GLRA3: variants seen among roughly 807,000 people sequenced by gnomAD.
The protein encoded by GLRA3 is glycine receptor subunit alpha-3.
In GLRA3, 44 loss-of-function variants were observed where a neutral mutation model predicts 60.4. That is an observed-to-expected ratio of 0.73 (90% CI 0.57 to 0.94). GLRA3 has a LOEUF of 0.94. GLRA3 is among the 40% of genes least tolerant of loss of function. The pLI, the probability that GLRA3 is intolerant of heterozygous loss-of-function variation, is 0.00. For missense variants in GLRA3, 508 were observed against 564.6 expected, an observed-to-expected ratio of 0.90 and a Z score of 1.02; for synonymous variants, 223 against 192.9, an observed-to-expected ratio of 1.16 and a Z score of -1.29.
intron 8 of GLRA3, 22 bp from the exon 9 acceptor site, chr4:174,656,809 C>G: frequency 1.3e-6 from 2 of 1,486,328 alleles, no homozygotes; most frequent in Non-Finnish European, 1.9e-6. Flanking sequence ...TAAAGTGGAC[C>G]AAGAGGAATT....
At chr4:174,651,534 A>G (rs747236358) in intron 9 of GLRA3, among the ~76,000 whole-genome samples, 4 of 152,156 alleles carry the variant, frequency 2.6e-5, no homozygotes, top group Non-Finnish European at 4.4e-5. Flanking sequence ...AAGAATACAA[A>G]TAACAACTTG....
intron 1 of GLRA3, among the ~76,000 whole-genome samples, chr4:174,822,429 T>C (rs1740775482): frequency 1.3e-5 from 2 of 152,124 alleles, no homozygotes; most frequent in South Asian, 2.1e-4. Flanking sequence ...GAAGCACATA[T>C]AGGAAAAAAT....
At chr4:174,793,798 G>A (rs998499945) in intron 1 of GLRA3, among the ~76,000 whole-genome samples, 1 of 151,760 alleles carries the variant, frequency 6.6e-6, no homozygotes, top group Non-Finnish European at 1.5e-5. Context: ...TTATTCTTGT[G>A]GCAATAATAA....
chr4:174,821,588 T>C (rs1037900718), intron 1 of GLRA3, among the ~76,000 whole-genome samples: 6 of 152,094 alleles, frequency 3.9e-5, no homozygotes, highest in Non-Finnish European at 7.4e-5. Context: ...AAATACATGA[T>C]GTATCTGTGG....
At chr4:174,744,284 C>T (rs745968136) in intron 3 of GLRA3, among the ~76,000 whole-genome samples, 25 of 152,240 alleles carry the variant, frequency 1.6e-4, no homozygotes, top group Non-Finnish European at 3.1e-4. Context: ...CAATCACCTA[C>T]GTGGCCTGTG....
rs553306775 is a variant in GLRA3 at position 174,689,756 on chromosome 4, T to TAAAAAAAAAAAAAAAAAAA, written c.575-6836_575-6818dup. On this transcript the variant is annotated intron_variant, in intron 5 of 9. Coordinates refer to ENST00000274093, the MANE Select transcript of GLRA3 (RefSeq NM_006529.4). Reference sequence around the variant, plus strand: ...AAAGGCACAGAGTGGTAAGTCGCATTAAAAAAAAAAAAAAAAAAAAAAAAA... The same window carrying TAAAAAAAAAAAAAAAAAAA: ...AAAGGCACAGAGTGGTAAGTCGCATTAAAAAAAAAAAAAAAAAAAAAAAAAAAAAAAAAAAAAAAAAAAA... Among the ~76,000 whole-genome samples, 8 of 39,540 alleles carry TAAAAAAAAAAAAAAAAAAA rather than the reference T, an allele frequency of 2.0e-4. 1 individual carries two copies. Among genetic ancestry groups the TAAAAAAAAAAAAAAAAAAA allele is most frequent in the Non-Finnish European group, 2.7e-4 (6 of 22,378 alleles). The allele number at this position is 39,540 out of a possible 152,430, so 25.9% of individuals were successfully genotyped here.
intron 2 of GLRA3, among the ~76,000 whole-genome samples, chr4:174,772,140 A>ATACAGAAAAT (rs1165402765): frequency 7.9e-5 from 12 of 152,216 alleles, no homozygotes; most frequent in African/African-American, 2.7e-4. Flanking sequence ...GATGGATGAA[A>ATACAGAAAAT]TACAGAAAAT....
intron 5 of GLRA3, among the ~76,000 whole-genome samples, chr4:174,707,495 T>C (rs1223486007): frequency 6.6e-6 from 1 of 151,996 alleles, no homozygotes; most frequent in East Asian, 1.9e-4. Flanking sequence ...GAAACTGCAA[T>C]AGTAACAGAA....
intron 2 of GLRA3, among the ~76,000 whole-genome samples, chr4:174,773,825 T>A (rs1329113141): frequency 6.6e-6 from 1 of 152,126 alleles, no homozygotes; most frequent in Non-Finnish European, 1.5e-5. Context: ...TGCACTAAAG[T>A]CATTTGTTTG....
At chr4:174,762,680 C>T (rs931605821) in intron 3 of GLRA3, among the ~76,000 whole-genome samples, 2 of 152,042 alleles carry the variant, frequency 1.3e-5, no homozygotes, top group Admixed American at 6.6e-5. Context: ...ACACACTTGG[C>T]GTGTTAAATT....
intron 1 of GLRA3, among the ~76,000 whole-genome samples, chr4:174,816,108 A>G (rs896908646): frequency 2.0e-5 from 3 of 152,186 alleles, no homozygotes; most frequent in Admixed American, 1.3e-4. Context: ...GTGGTGGAAG[A>G]CAGTGTTTGT....
At chr4:174,653,997 T>C (rs1372861723) in intron 9 of GLRA3, among the ~76,000 whole-genome samples, 2 of 152,126 alleles carry the variant, frequency 1.3e-5, no homozygotes, top group African/African-American at 4.8e-5. Context: ...TTTCAACTCC[T>C]GATAGTAGAG....
At chr4:174,814,713 A>T (rs568750396) in intron 1 of GLRA3, among the ~76,000 whole-genome samples, 3 of 152,222 alleles carry the variant, frequency 2.0e-5, no homozygotes, top group Admixed American at 2.0e-4. Context: ...AAACCATCAG[A>T]TCTGATGAGA....
At chr4:174,758,037 C>T (rs1055347275) in intron 3 of GLRA3, among the ~76,000 whole-genome samples, 6 of 151,980 alleles carry the variant, frequency 3.9e-5, no homozygotes, top group Non-Finnish European at 7.4e-5. Context: ...CCTGTACTCT[C>T]GTCCTGTAAT....
At position 174,637,362 on chromosome 4, in the gene GLRA3, C is replaced by T. The variant is rs923109086; in HGVS notation, c.*6424G>A. 1.5e-5 allele frequency: 2 copies of T among 129,762 alleles called. No homozygotes were observed. Among genetic ancestry groups the T allele is most frequent in the African/African-American group, 5.5e-5 (2 of 36,518 alleles). 8.0% of individuals were successfully genotyped at this position (129,762 alleles called of 1,614,324 possible). On this transcript the variant is annotated 3_prime_UTR_variant, in exon 10 of 10. Coordinates refer to ENST00000274093, the MANE Select transcript of GLRA3 (RefSeq NM_006529.4). ...ATATCATATTATATCTGTAGAATGTCAGGGTACTTCACTCTATTTCCCCCC... is the reference window on the plus strand; with the variant it reads ...ATATCATATTATATCTGTAGAATGTTAGGGTACTTCACTCTATTTCCCCCC...
chr4:174,645,891 A>C (rs987588468), intron 9 of GLRA3, among the ~76,000 whole-genome samples: 1 of 152,198 alleles, frequency 6.6e-6, no homozygotes, highest in Non-Finnish European at 1.5e-5. Context: ...AATTGTTCTT[A>C]TGTAAATGCT....
chr4:174,721,564 G>A (rs1736130021), intron 4 of GLRA3, among the ~76,000 whole-genome samples: 1 of 151,610 alleles, frequency 6.6e-6, no homozygotes, highest in South Asian at 2.1e-4. Flanking sequence ...AAAACTATCT[G>A]GAGCTCAGTT....
chr4:174,741,546 A>G (rs916725557), intron 3 of GLRA3, among the ~76,000 whole-genome samples: 1 of 151,824 alleles, frequency 6.6e-6, no homozygotes, highest in African/African-American at 2.4e-5. Context: ...TTTTCCTTCT[A>G]TTAACAGCAT....
chr4:174,788,606 A>AAAT (rs1006108669), intron 2 of GLRA3, among the ~76,000 whole-genome samples: 1 of 151,326 alleles, frequency 6.6e-6, no homozygotes, highest in African/African-American at 2.4e-5. Context: ...AAAAAAAAAA[A>AAAT]AAAAAAGACA....
Sources: allele counts gnomAD v4.1 joint callset (sites outside exome capture counted in the v4.1 genomes callset), GRCh38; gene constraint gnomAD v4.1.1; transcripts MANE v1.5; gene names NCBI Gene and HGNC (gene_info 2026-07-23, HGNC 2026-07-21).